PCDHGA1: variants seen among roughly 807,000 people sequenced by gnomAD.
PCDHGA1 encodes protocadherin gamma-A1.
In PCDHGA1, 32 loss-of-function variants were observed where a neutral mutation model predicts 58.0. That is an observed-to-expected ratio of 0.55 (90% CI 0.42 to 0.74). PCDHGA1 has a LOEUF of 0.74. PCDHGA1 is among the 30% of genes least tolerant of loss of function. The pLI is 0.00. For synonymous variants in PCDHGA1, 498 were observed against 501.1 expected (o/e 0.99, Z 0.08); for missense variants, 1,205 against 1,182.3 (o/e 1.02, Z -0.28).
At chr5:141,361,322 C>A (rs1475894704) in intron 1 of PCDHGA1, 1 of 1,613,960 alleles carries the variant, frequency 6.2e-7, no homozygotes. Flanking sequence ...ATTTTGAAAT[C>A]TTCCTCAAAG....
intron 1 of PCDHGA1, chr5:141,422,778 C>T (rs1041081332): frequency 1.9e-6 from 3 of 1,613,932 alleles, no homozygotes; most frequent in Admixed American, 1.7e-5. Flanking sequence ...TTCTCTATGC[C>T]CTACAATCCT....
intron 1 of PCDHGA1, among the ~76,000 whole-genome samples, chr5:141,406,535 G>A (rs2094820779): frequency 6.6e-6 from 1 of 152,168 alleles, no homozygotes; most frequent in South Asian, 2.1e-4. Context: ...TTCTGACGAA[G>A]ATTCAAACTT....
Position 141,430,800 on chromosome 5 carries a change from T to C in PCDHGA1, c.2422-64007T>C, listed in dbSNP as rs770490590. 2.6e-6 allele frequency: 4 copies of C among 1,524,818 alleles called. No homozygotes were observed. In the South Asian group the frequency reaches 5.3e-5, roughly 20 times the overall value. 94.5% of individuals were successfully genotyped at this position (1,524,818 alleles called of 1,614,324 possible). A position where few individuals can be genotyped will look rare whatever the true frequency, so the allele number is the denominator to read the frequency against. ...CTGCACCGGGACTACAAAGGGCTTG[T>C]CCTGCTGGGAATCCTCCTGGGGACT... is the stretch of plus-strand genomic sequence containing the variant. On this transcript the variant is annotated intron_variant, in intron 1 of 3. Transcript: ENST00000517417.
At chr5:141,389,391 G>C (rs544096177) in intron 1 of PCDHGA1, 9 of 1,613,686 alleles carry the variant, frequency 5.6e-6, no homozygotes, top group African/African-American at 1.3e-5. Context: ...GTCATCCTAC[G>C]TGTCCATAAG....
intron 1 of PCDHGA1, chr5:141,427,531 A>C: frequency 1.6e-6 from 1 of 620,632 alleles, no homozygotes. Flanking sequence ...ATCCCGGAGT[A>C]CAACGTCACC....
At chr5:141,351,791 T>G (rs1758824643) in intron 1 of PCDHGA1, 1 of 1,613,252 alleles carries the variant, frequency 6.2e-7, no homozygotes, top group Admixed American at 1.7e-5. Flanking sequence ...CGGGGTGGTG[T>G]TCGCGCAGCG....
chr5:141,438,807 G>A (rs956766683), intron 1 of PCDHGA1, among the ~76,000 whole-genome samples: 13 of 149,270 alleles, frequency 8.7e-5, no homozygotes, highest in African/African-American at 1.7e-4. Context: ...GATTACAGGC[G>A]CCTGTCACCA....
At chr5:141,398,293 T>A in intron 1 of PCDHGA1, 1 of 1,383,344 alleles carries the variant, frequency 7.2e-7, no homozygotes, top group Non-Finnish European at 9.9e-7. Flanking sequence ...GGACCTGGGG[T>A]TCAGCGTCCA....
chr5:141,476,553 A>G lies in PCDHGA1; in HGVS notation c.2422-18254A>G. On this transcript the variant is annotated intron_variant, in intron 1 of 3. Coordinates refer to ENST00000517417, the MANE Select transcript of PCDHGA1 (RefSeq NM_018912.3). The surrounding 1 kb of genome is among the most constrained non-coding windows in gnomAD (Gnocchi z 7.6). ...CAGGAAATGAAATTGGAGATTAGCG[A>G]GGCCGTGGCTCCGGGGACGCGCTTT... The G allele has an allele frequency of 1.2e-6, 2 of 1,614,226 alleles. No homozygotes were observed. The highest frequency in any genetic ancestry group is 1.7e-6 in the Non-Finnish European group (2 of 1,180,040).
rs779191558 is a variant in PCDHGA1 at position 141,491,465 on chromosome 5, A to T, written c.2422-3342A>T. 3.1e-6 allele frequency: 5 copies of T among 1,614,092 alleles called. No homozygotes were observed. Among genetic ancestry groups the T allele is most frequent in the Non-Finnish European group, 4.2e-6 (5 of 1,180,010 alleles). On this transcript the variant is annotated intron_variant, in intron 1 of 3. Transcript: ENST00000517417. The surrounding 1 kb of genome is among the most constrained non-coding windows in gnomAD (Gnocchi z 6.9). ...CAGGACTCACCCTCCCCGGACTTCT[A>T]TAAGCAGTCCAGCCCCAACCTGCAG... is the stretch of plus-strand genomic sequence containing the variant.
chr5:141,350,281 C>T (rs1248847691), intron 1 of PCDHGA1: 2 of 1,511,576 alleles, frequency 1.3e-6, no homozygotes, highest in African/African-American at 1.4e-5. Flanking sequence ...CCAGAGAAGC[C>T]GAAATGATGA....
At chr5:141,341,019 T>C in intron 1 of PCDHGA1, 1 of 1,613,948 alleles carries the variant, frequency 6.2e-7, no homozygotes, top group Non-Finnish European at 8.5e-7. Flanking sequence ...CCCTCCGCCA[T>C]ACCCAACGAT....
At chr5:141,458,519 T>C (rs974750749) in intron 1 of PCDHGA1, among the ~76,000 whole-genome samples, 1 of 152,110 alleles carries the variant, frequency 6.6e-6, no homozygotes, top group Non-Finnish European at 1.5e-5. Context: ...CTTTGTTTTT[T>C]TTTTTAACTT....
intron 1 of PCDHGA1, chr5:141,391,218 T>A (rs1486850229): frequency 1.3e-5 from 2 of 152,172 alleles, no homozygotes; most frequent in South Asian, 2.1e-4. Flanking sequence ...AGGAACATTA[T>A]ATGAGCCTTT....
chr5:141,399,656 T>C, intron 1 of PCDHGA1: 1 of 1,613,694 alleles, frequency 6.2e-7, no homozygotes, highest in Non-Finnish European at 8.5e-7. Context: ...AGTGGGGTGG[T>C]GTTCGCGCAG....
At chr5:141,376,276 C>T (rs3749771) in intron 1 of PCDHGA1, 1 of 1,614,240 alleles carries the variant, frequency 6.2e-7, no homozygotes, top group Non-Finnish European at 8.5e-7. Context: ...CGGGAGGTGG[C>T]TTAGCGAGCA....
At chr5:141,357,106 GAC>G in intron 1 of PCDHGA1, 1 of 1,613,886 alleles carries the variant, frequency 6.2e-7, no homozygotes, top group Non-Finnish European at 8.5e-7. Context: ...GCTGGACAGA[GAC>G]GCGCTCAAGC....
At chr5:141,361,847 G>A (rs763425262) in intron 1 of PCDHGA1, 2 of 1,612,544 alleles carry the variant, frequency 1.2e-6, no homozygotes, top group South Asian at 1.1e-5. Context: ...GGGCCTGATG[G>A]CTCCGCCCTC....
At chr5:141,366,966 A>C in intron 1 of PCDHGA1, 1 of 605,066 alleles carries the variant, frequency 1.7e-6, no homozygotes. Context: ...TAAGTGAAAC[A>C]AATACCTTAA....
Sources: allele counts gnomAD v4.1 joint callset (sites outside exome capture counted in the v4.1 genomes callset), GRCh38; gene constraint gnomAD v4.1.1; non-coding constraint Gnocchi (gnomAD v3.1); transcripts MANE v1.5; gene names NCBI Gene and HGNC (gene_info 2026-07-23, HGNC 2026-07-21).